The following VWA5A variants were observed in gnomAD, a reference collection of about 807,000 sequenced individuals.
VWA5A encodes von Willebrand factor A domain-containing protein 5A.
VWA5A carries 77 observed loss-of-function variants against 84.6 expected under a neutral mutation model. That is an observed-to-expected ratio of 0.91 (90% CI 0.76 to 1.10). The LOEUF (loss-of-function observed/expected upper bound fraction) is 1.10, where lower values mean the gene tolerates loss of function less well. Ranked by LOEUF, VWA5A falls within the 50% of genes least tolerant of loss-of-function variation. The pLI, the probability that VWA5A is intolerant of heterozygous loss-of-function variation, is 0.00. For missense variants in VWA5A, 973 were observed against 963.0 expected (o/e 1.01, Z -0.14); for synonymous variants, 334 against 350.1 (o/e 0.95, Z 0.51).
chr11:124,122,866 CT>C (rs1017767847), intron 7 of VWA5A, 93 bp from the exon 8 acceptor site: 35 of 1,317,300 alleles, frequency 2.7e-5, no homozygotes, highest in Non-Finnish European at 3.5e-5. Flanking sequence ...TTGAGTTTTC[CT>C]AGCTCTTAAT....
Position 124,119,008 on chromosome 11 carries a change from G to T in VWA5A, c.679G>T (p.Asp227Tyr). 6.2e-7 allele frequency: 1 copy of T among 1,614,164 alleles called. No homozygotes were observed. Residue 227 changes from aspartate to tyrosine, a missense_variant, in exon 7 of 19, where the codon GAC (aspartate) becomes TAC (tyrosine). Physicochemically the swap from Asp to Tyr is radical, Grantham distance 160. Transcript: ENST00000456829. ...SLAAGHKFDR[D>Y]VELLIYYNEV... The stretch of plus-strand genomic sequence containing the variant: ...GGCTGCTGGACACAAGTTTGATCGG[G>T]ACGTGGAACTCCTGATTTACTACAA...
At chr11:124,122,840 TCAC>T (rs1163130864) in intron 7 of VWA5A, 117 bp from the exon 8 acceptor site, 4 of 987,306 alleles carry the variant, frequency 4.1e-6, no homozygotes, top group Non-Finnish European at 6.0e-6. Flanking sequence ...ACATGAATCA[TCAC>T]AGTGTTTTAG....
intron 11 of VWA5A, among the ~76,000 whole-genome samples, chr11:124,130,544 T>C (rs1324029461): frequency 6.6e-6 from 1 of 152,174 alleles, no homozygotes; most frequent in Non-Finnish European, 1.5e-5. Context: ...GTTAGTTTTT[T>C]GTCTCATTGA....
intron 7 of VWA5A, among the ~76,000 whole-genome samples, chr11:124,119,786 C>T (rs899227249): frequency 2.6e-5 from 4 of 152,012 alleles, no homozygotes; most frequent in East Asian, 1.9e-4. Flanking sequence ...AAGAATGTTA[C>T]GTAAAAGAAA....
intron 7 of VWA5A, among the ~76,000 whole-genome samples, chr11:124,122,731 A>G (rs1465805688): frequency 6.6e-6 from 1 of 152,176 alleles, no homozygotes; most frequent in Admixed American, 6.5e-5. Flanking sequence ...GCTTGTGTCT[A>G]CTAACTTCTA....
rs776619056 is a variant in VWA5A at position 124,123,726 on chromosome 11, C to T, written c.1086C>T (p.Ala362=). The T allele has an allele frequency of 3.3e-5, 53 of 1,612,918 alleles. No homozygotes were observed. Among genetic ancestry groups the T allele is most frequent in the South Asian group, 4.4e-5 (4 of 90,888 alleles). ...EALGRVKLMQ[A]DLGGTEILAP... is the part of the protein sequence containing the mutation. ...TGGGGAGAGTGAAGCTTATGCAGGC[C>T]GACCTAGGGGGCACTGAAATCTTGG... Residue 362 remains alanine, a synonymous_variant, in exon 10 of 19, where the codon GCC becomes GCT. Transcript: ENST00000456829.
chr11:124,119,906 A>G (rs1864903881), intron 7 of VWA5A, among the ~76,000 whole-genome samples: 2 of 152,210 alleles, frequency 1.3e-5, no homozygotes, highest in African/African-American at 4.8e-5. Flanking sequence ...ACTAAGTTTA[A>G]TTCTTAATTA....
chr11:124,119,819 A>C (rs1301843397), intron 7 of VWA5A, among the ~76,000 whole-genome samples: 3 of 152,262 alleles, frequency 2.0e-5, no homozygotes, highest in Non-Finnish European at 2.9e-5. Flanking sequence ...ACAGATTACC[A>C]CTATAAAATA....
At position 124,137,168 on chromosome 11, in the gene VWA5A, G is replaced by A; in HGVS notation, c.1779G>A (p.Lys593=). Residue 593 remains lysine, a synonymous_variant, in exon 15 of 19, where the codon AAG becomes AAA. Transcript: ENST00000456829. ...SSFTAFIAIN[K]ELNKPVQGPL... is the part of the protein sequence containing the mutation. ...TCACAGCTTTCATTGCTATCAATAA[G>A]GAGCTCAACAAGCCGGTTCAGGGGC... 2 of 1,614,068 alleles carry A rather than the reference G, an allele frequency of 1.2e-6. No homozygotes were observed. The highest frequency in any genetic ancestry group is 1.7e-6 in the Non-Finnish European group (2 of 1,180,030).
rs550858587 is a variant in VWA5A at position 124,118,193 on chromosome 11, G to A, written c.251G>A (p.Arg84His). 90 of 1,613,670 alleles carry A rather than the reference G, an allele frequency of 5.6e-5. No individual in the cohort carries two copies. The East Asian group carries it at 6.0e-4, about 11-fold the overall frequency. The change falls in exon 5 of 19, where the codon CGC becomes CAC. Residue 84 changes from arginine (R) to histidine (H), a missense_variant. By Grantham distance (29) the Arg-to-His change is conservative. Transcript: ENST00000456829. ...CCCTCGCCCTGTGCTTCTCAGGCCC[G>A]CACCAACTATGAGAAAGCCATCTCC... The part of the protein sequence containing the change: ...VAELQDKMKA[R>H]TNYEKAISQG...
At chr11:124,132,245 A>C (rs1406609888) in intron 11 of VWA5A, among the ~76,000 whole-genome samples, 2 of 152,006 alleles carry the variant, frequency 1.3e-5, no homozygotes, top group Non-Finnish European at 2.9e-5. Flanking sequence ...ATTCAGTTGG[A>C]TAATACTTTT....
intron 11 of VWA5A, among the ~76,000 whole-genome samples, chr11:124,129,828 T>G (rs552945347): frequency 3.3e-4 from 50 of 152,344 alleles, no homozygotes; most frequent in African/African-American, 1.2e-3. Flanking sequence ...TCAGTGGTGA[T>G]ACTCCCTTTA....
intron 11 of VWA5A, among the ~76,000 whole-genome samples, chr11:124,130,921 A>T (rs980516473): frequency 2.0e-5 from 3 of 151,964 alleles, no homozygotes; most frequent in Non-Finnish European, 2.9e-5. Context: ...AAATTCTGAA[A>T]TTTTTACTTA....
At chr11:124,137,289 C>A in intron 15 of VWA5A, 21 bp downstream of exon 15, 1 of 1,610,096 alleles carries the variant, frequency 6.2e-7, no homozygotes, top group Non-Finnish European at 8.5e-7. Flanking sequence ...TTATTCCATT[C>A]AAACTCATAT....
intron 14 of VWA5A, 37 bp from the exon 15 acceptor site, chr11:124,136,978 T>C (rs1461391667): frequency 1.3e-6 from 2 of 1,596,054 alleles, no homozygotes; most frequent in Admixed American, 1.8e-5. Context: ...TGGATGTCTT[T>C]CCCTACATTT....
chr11:124,123,454 C>G lies in VWA5A; in HGVS notation c.1019C>G (p.Pro340Arg), dbSNP rs202052765. ...GGCTCTTCCTATGAGGCATGCTTTC[C>G]GTAAGTTTCTGGAAAGACAATAGGG... is the stretch of plus-strand genomic sequence containing the variant. Reference protein sequence around the residue: ...GFGSSYEACFPESVKYTQQTM... With the variant: ...GFGSSYEACFRESVKYTQQTM... The change falls in exon 9 of 19, where the codon CCG becomes CGG. Residue 340 changes from proline (P) to arginine (R), a missense_variant and splice_region_variant. Physicochemically the swap from Pro to Arg is moderately radical, Grantham distance 103. Transcript: ENST00000456829. 1 of 1,613,572 alleles carries G rather than the reference C, an allele frequency of 6.2e-7. No homozygotes were observed. The highest frequency in any genetic ancestry group is 1.3e-5 in the African/African-American group (1 of 74,838).
intron 11 of VWA5A, among the ~76,000 whole-genome samples, chr11:124,129,505 G>A (rs933304938): frequency 6.6e-6 from 1 of 152,136 alleles, no homozygotes; most frequent in African/African-American, 2.4e-5. Flanking sequence ...AAATGAGTTA[G>A]GGAGGATTCC....
intron 11 of VWA5A, among the ~76,000 whole-genome samples, chr11:124,127,563 T>C (rs889210928): frequency 5.9e-5 from 9 of 152,244 alleles, no homozygotes; most frequent in Admixed American, 1.3e-4. Context: ...ATGATATTTC[T>C]GGTTCTAGAT....
intron 6 of VWA5A, 55 bp downstream of exon 6, chr11:124,118,763 C>T: frequency 6.4e-7 from 1 of 1,563,808 alleles, no homozygotes; most frequent in Non-Finnish European, 8.7e-7. Context: ...TGAGTCTTGA[C>T]TTGGTCCCCA....
Sources: gnomAD v4.1 joint callset for allele counts (sites outside exome capture counted in the v4.1 genomes callset) on GRCh38, gnomAD v4.1.1 for gene constraint, MANE v1.5 for transcripts, NCBI Gene and HGNC (gene_info 2026-07-23, HGNC 2026-07-21) for gene names.